DYNC1LI1: variants seen among roughly 807,000 people sequenced by gnomAD.
DYNC1LI1 encodes the protein dynein cytoplasmic 1 light intermediate chain 1.
In DYNC1LI1, 19 loss-of-function variants were observed where a neutral mutation model predicts 63.8. The ratio of observed to expected loss-of-function variants is 0.30; its 90% CI spans 0.21 to 0.44. The LOEUF (loss-of-function observed/expected upper bound fraction) is 0.44. DYNC1LI1 is among the 20% of genes least tolerant of loss of function. The pLI is 1.00. For synonymous variants in DYNC1LI1, 225 were observed against 232.3 expected (o/e 0.97, Z 0.28); for missense variants, 565 against 630.2 (o/e 0.90, Z 1.11).
intron 2 of DYNC1LI1, among the ~76,000 whole-genome samples, chr3:32,548,341 A>G (rs1320355349): frequency 6.6e-6 from 1 of 152,176 alleles, no homozygotes; most frequent in Non-Finnish European, 1.5e-5. Flanking sequence ...CCTTAGGAGA[A>G]TCTAACTAAT....
rs143329992 is a variant in DYNC1LI1 at position 32,565,302 on chromosome 3, T to C, written c.220+5044A>G. Among the ~76,000 whole-genome samples the C allele has an allele frequency of 2.6e-5, 4 of 152,372 alleles. No individual in the cohort carries two copies. In the East Asian group the frequency reaches 7.7e-4, roughly 29 times the overall value. On this transcript the variant is annotated intron_variant, in intron 2 of 12. Coordinates refer to ENST00000273130, the MANE Select transcript of DYNC1LI1 (RefSeq NM_016141.4). ...TTACAGATGAGAAAGATGAGGCTTA[T>C]ATGACTTGACAAAGGACCACCTAGT...
intron 2 of DYNC1LI1, among the ~76,000 whole-genome samples, chr3:32,552,522 C>A (rs900599323): frequency 6.6e-6 from 1 of 151,890 alleles, no homozygotes; most frequent in Admixed American, 6.6e-5. Context: ...TTTTTTTCCA[C>A]TGAACATACT....
At position 32,526,352 on chromosome 3, in the gene DYNC1LI1, T is replaced by C. The variant is rs1697617455; in HGVS notation, c.*447A>G. On this transcript the variant is annotated 3_prime_UTR_variant, in exon 13 of 13. Coordinates refer to ENST00000273130, the MANE Select transcript of DYNC1LI1 (RefSeq NM_016141.4). ...AAAATCTGACAACTGACGATTTTTCTCTGTCAGCAAAACTAACAAATTTTT... is the reference window on the plus strand; with the variant it reads ...AAAATCTGACAACTGACGATTTTTCCCTGTCAGCAAAACTAACAAATTTTT... 6.5e-6 allele frequency: 1 copy of C among 153,406 alleles called. No homozygotes were observed. The highest frequency in any genetic ancestry group is 2.4e-5 in the African/African-American group (1 of 41,456). The allele number at this position is 153,406 out of a possible 1,614,324, so 9.5% of individuals were successfully genotyped here.
chr3:32,533,529 G>T lies in DYNC1LI1; in HGVS notation c.969-432C>A, dbSNP rs535610142. 1.9e-4 allele frequency among the ~76,000 whole-genome samples: 29 copies of T among 152,004 alleles called. No individual in the cohort carries two copies. The South Asian group carries it at 3.3e-3, about 17-fold the overall frequency. On this transcript the variant is annotated intron_variant, in intron 7 of 12. Transcript: ENST00000273130. The stretch of plus-strand genomic sequence containing the variant: ...TCATTAGTGTTAACTTGGGGGAAGG[G>T]GGCAGTAATTATTACCTCCCAATTT...
At chr3:32,570,564 C>A (rs1698334663) in intron 1 of DYNC1LI1, 61 bp downstream of exon 1, 2 of 1,529,892 alleles carry the variant, frequency 1.3e-6, no homozygotes, top group African/African-American at 1.4e-5. Context: ...CACGGGATCC[C>A]GAGGCGTCCG....
chr3:32,553,373 A>C (rs1698070197), intron 2 of DYNC1LI1, among the ~76,000 whole-genome samples: 2 of 152,092 alleles, frequency 1.3e-5, no homozygotes, highest in East Asian at 1.9e-4. Context: ...AACCATAAAA[A>C]AGTGCTATCA....
chr3:32,537,967 T>C (rs1490446038), intron 5 of DYNC1LI1, among the ~76,000 whole-genome samples: 1 of 2,608 alleles, frequency 3.8e-4, no homozygotes, highest in Non-Finnish European at 7.0e-4. Flanking sequence ...ATATAATATA[T>C]ATATATTTAT....
chr3:32,533,088 C>A lies in DYNC1LI1; in HGVS notation c.978G>T (p.Gly326=), dbSNP rs753734213. The A allele has an allele frequency of 1.9e-6, 3 of 1,589,278 alleles. No individual in the cohort carries two copies. Among genetic ancestry groups the A allele is most frequent in the Non-Finnish European group, 2.6e-6 (3 of 1,174,226 alleles). ...TTCCTATTTTCTTATCATTATCCCA[C>A]CCTGCTGGACTGGAAAGAAATACAT... ...VEKDAVFIPA[G]WDNDKKIGIL... Residue 326 remains glycine (G), a synonymous_variant, in exon 8 of 13, where the codon GGG becomes GGT. Coordinates refer to ENST00000273130, the MANE Select transcript of DYNC1LI1 (RefSeq NM_016141.4).
In DYNC1LI1 at chr3:32,570,416, G is replaced by A. The variant is rs779540123; in HGVS notation, c.150C>T (p.Ser50=). ...GDDEDGQNLW[S]CILSEVSTRS... The stretch of plus-strand genomic sequence containing the variant: ...GGGTGGAGACCTCGCTGAGGATGCA[G>A]GACCTAACGGGAAGCAAGGCGTACG... The change falls in exon 2 of 13, where the codon TCC becomes TCT. Residue 50 remains serine (S), a synonymous_variant. Coordinates refer to ENST00000273130, the MANE Select transcript of DYNC1LI1 (RefSeq NM_016141.4). The A allele has an allele frequency of 1.0e-5, 16 of 1,599,098 alleles. No individual in the cohort carries two copies. The highest frequency in any genetic ancestry group is 2.3e-5 in the East Asian group (1 of 44,100).
intron 2 of DYNC1LI1, among the ~76,000 whole-genome samples, chr3:32,554,863 A>ATTTTTT (rs11434502): frequency 9.5e-5 from 10 of 104,720 alleles, no homozygotes; most frequent in South Asian, 3.0e-4. Context: ...AAATTTTTGA[A>ATTTTTT]TTTTTTTTTT....
rs1030485656 is a variant in DYNC1LI1 at position 32,538,618 on chromosome 3, G to A, written c.739-1514C>T. 4.6e-5 allele frequency among the ~76,000 whole-genome samples: 7 copies of A among 152,018 alleles called. No individual in the cohort carries two copies. The East Asian group carries it at 5.8e-4, about 13-fold the overall frequency. On this transcript the variant is annotated intron_variant, in intron 5 of 12. Coordinates refer to ENST00000273130, the MANE Select transcript of DYNC1LI1 (RefSeq NM_016141.4). The stretch of plus-strand genomic sequence containing the variant: ...CGGGAGGCTGAGGCAGGAGAATGGC[G>A]TGCACCTAGGAGGCGGAGCTCGCTG...
At chr3:32,556,025 C>T (rs1368632715) in intron 2 of DYNC1LI1, among the ~76,000 whole-genome samples, 1 of 152,216 alleles carries the variant, frequency 6.6e-6, no homozygotes, top group African/African-American at 2.4e-5. Flanking sequence ...AACATTCTTA[C>T]AAAAGCTCCC....
intron 2 of DYNC1LI1, among the ~76,000 whole-genome samples, chr3:32,546,494 CA>C: frequency 6.6e-6 from 1 of 152,278 alleles, no homozygotes; most frequent in South Asian, 2.1e-4. Flanking sequence ...TATCCTATTG[CA>C]AATGACTTCC....
intron 2 of DYNC1LI1, among the ~76,000 whole-genome samples, chr3:32,568,291 G>T (rs1453139765): frequency 6.6e-6 from 1 of 152,180 alleles, no homozygotes; most frequent in African/African-American, 2.4e-5. Flanking sequence ...AGCACAGAGT[G>T]AATGCTGCCA....
intron 3 of DYNC1LI1, 107 bp downstream of exon 3, chr3:32,545,742 C>T (rs1341858808): frequency 5.1e-6 from 4 of 791,188 alleles, no homozygotes; most frequent in East Asian, 2.4e-5. Flanking sequence ...CATGACATCA[C>T]AGAACTTCTA....
rs1256514221 is a variant in DYNC1LI1, at chr3:32,526,900, G to A, written c.1471C>T (p.Pro491Ser). The A allele has an allele frequency of 1.2e-6, 2 of 1,611,428 alleles. No homozygotes were observed. The highest frequency in any genetic ancestry group is 1.7e-6 in the Non-Finnish European group (2 of 1,178,540). The change falls in exon 13 of 13, where the codon CCT becomes TCT. Residue 491 changes from proline to serine, a missense_variant. Pro to Ser is a moderately conservative substitution (Grantham distance 74). Transcript: ENST00000273130. ...AGTTCTGCATGAACATCTAAGACAGGCTTCTGGCCTACATTGAAGAAAAAG... is the reference window on the plus strand; with the variant it reads ...AGTTCTGCATGAACATCTAAGACAGACTTCTGGCCTACATTGAAGAAAAAG... The part of the protein sequence containing the change: ...PPSTKKSGQK[P>S]VLDVHAELDR...
intron 2 of DYNC1LI1, among the ~76,000 whole-genome samples, chr3:32,558,404 A>T (rs1221194729): frequency 8.9e-5 from 6 of 67,382 alleles, no homozygotes; most frequent in African/African-American, 1.4e-4. Context: ...TTAAAAATGT[A>T]AAAAAAAAAA....
At chr3:32,542,920 C>A (rs1697901830) in intron 4 of DYNC1LI1, among the ~76,000 whole-genome samples, 1 of 152,092 alleles carries the variant, frequency 6.6e-6, no homozygotes, top group African/African-American at 2.4e-5. Context: ...CTGTATGTAC[C>A]CTTAGCAGCC....
chr3:32,541,076 T>G lies in DYNC1LI1; in HGVS notation c.699A>C (p.Thr233=), dbSNP rs768064764. 1 of 1,613,506 alleles carries G rather than the reference T, an allele frequency of 6.2e-7. No individual in the cohort carries two copies. The highest frequency in any genetic ancestry group is 1.7e-5 in the Admixed American group (1 of 59,918). ...CTAGTACTGGAATGCCCAAGTTATG[T>G]GTAAGTGTATCCGCACCCAGAGGTA... The part of the protein sequence containing the change: ...VVLPLGADTL[T]HNLGIPVLVV... Residue 233 remains threonine (T), a synonymous_variant, in exon 5 of 13, where the codon ACA becomes ACC. Coordinates refer to ENST00000273130, the MANE Select transcript of DYNC1LI1 (RefSeq NM_016141.4).
Sources: gnomAD v4.1 joint callset for allele counts (sites outside exome capture counted in the v4.1 genomes callset) on GRCh38, gnomAD v4.1.1 for gene constraint, MANE v1.5 for transcripts, NCBI Gene and HGNC (gene_info 2026-07-23, HGNC 2026-07-21) for gene names.